Variants in BTBD1 observed in about 807,000 individuals in gnomAD.
The protein encoded by BTBD1 is BTB/POZ domain-containing protein 1.
In BTBD1, 34 loss-of-function variants were observed where a neutral mutation model predicts 48.0. The ratio of observed to expected loss-of-function variants is 0.71; its 90% CI spans 0.54 to 0.94. The LOEUF (loss-of-function observed/expected upper bound fraction) is 0.94, where lower values mean the gene tolerates loss of function less well. BTBD1 is among the 40% of genes least tolerant of loss of function. The pLI, the probability that BTBD1 is intolerant of heterozygous loss-of-function variation, is 0.00. For synonymous variants in BTBD1, 261 were observed against 242.1 expected (o/e 1.08, Z -0.72); for missense variants, 543 against 625.6 (o/e 0.87, Z 1.41).
At chr15:83,054,935 G>A (rs180713734) in intron 2 of BTBD1, among the ~76,000 whole-genome samples, 3 of 152,174 alleles carry the variant, frequency 2.0e-5, no homozygotes, top group East Asian at 3.9e-4. Context: ...GCCCTACCTA[G>A]CCTATGAGGG....
chr15:83,042,945 G>C (rs1487871721), intron 3 of BTBD1, among the ~76,000 whole-genome samples: 1 of 152,162 alleles, frequency 6.6e-6, no homozygotes, highest in Admixed American at 6.5e-5. Flanking sequence ...TTTCAGGCCA[G>C]CCTGGGCAAT....
chr15:83,030,089 TA>T (rs1192641386), intron 5 of BTBD1, 46 bp downstream of exon 5: 2 of 1,538,104 alleles, frequency 1.3e-6, no homozygotes, highest in Admixed American at 3.6e-5. Flanking sequence ...GGCCAAATGG[TA>T]ACTGCTACCC....
At chr15:83,058,314 C>T (rs925129308) in intron 1 of BTBD1, among the ~76,000 whole-genome samples, 37 of 152,344 alleles carry the variant, frequency 2.4e-4, no homozygotes, top group African/African-American at 7.7e-4. Flanking sequence ...ACTCTGTTGG[C>T]CCTTCCAACC....
At chr15:83,045,751 A>G (rs752893307) in intron 3 of BTBD1, among the ~76,000 whole-genome samples, 6 of 152,188 alleles carry the variant, frequency 3.9e-5, no homozygotes, top group Middle Eastern at 3.2e-3. Flanking sequence ...AAGCCCTTTC[A>G]TAAGTAAATT....
At position 83,066,215 on chromosome 15, in the gene BTBD1, C is replaced by A. The variant is rs568885618; in HGVS notation, c.401+536G>T. On this transcript the variant is annotated intron_variant, in intron 1 of 7. Coordinates refer to ENST00000261721, the MANE Select transcript of BTBD1 (RefSeq NM_025238.4). Reference sequence around the variant, plus strand: ...TCGGGAGGCTGAGGTCGGAGCATCACCTGAGCCCGGAGAGGTCGAGGCTGC... The same window carrying A: ...TCGGGAGGCTGAGGTCGGAGCATCAACTGAGCCCGGAGAGGTCGAGGCTGC... 1.6e-3 allele frequency among the ~76,000 whole-genome samples: 247 copies of A among 152,204 alleles called. 1 individual carries two copies. The highest frequency in any genetic ancestry group is 5.6e-3 in the African/African-American group (231 of 41,514).
intron 4 of BTBD1, among the ~76,000 whole-genome samples, chr15:83,031,125 C>T (rs1176139523): frequency 6.6e-6 from 1 of 152,188 alleles, no homozygotes; most frequent in Non-Finnish European, 1.5e-5. Flanking sequence ...AATGGTTGAA[C>T]TAGTTTACAG....
chr15:83,056,563 T>C lies in BTBD1; in HGVS notation c.402-18A>G, dbSNP rs1438830433. ...ATAGAAATCTGGAAAACAATTGGCA[T>C]ATTTGCAGAGATGGTCAGTAATGTT... On this transcript the variant is annotated intron_variant, in intron 1 of 7. Transcript: ENST00000261721. The C allele has an allele frequency of 6.2e-7, 1 of 1,609,548 alleles. No homozygotes were observed. The highest frequency in any genetic ancestry group is 8.5e-7 in the Non-Finnish European group (1 of 1,176,284).
intron 4 of BTBD1, among the ~76,000 whole-genome samples, chr15:83,033,522 T>C (rs979018427): frequency 3.3e-5 from 5 of 152,172 alleles, no homozygotes; most frequent in African/African-American, 4.8e-5. Context: ...AGGTTAAATA[T>C]AGCAAAAGTA....
chr15:83,055,467 A>G (rs1435525539), intron 2 of BTBD1, among the ~76,000 whole-genome samples: 1 of 152,136 alleles, frequency 6.6e-6, no homozygotes, highest in African/African-American at 2.4e-5. Context: ...CTTGTTGGCC[A>G]GGCTGGTCTC....
At chr15:83,051,877 T>TATACACACACACACACAC (rs1555441191) in intron 2 of BTBD1, among the ~76,000 whole-genome samples, 7,701 of 138,714 alleles carry the variant, frequency 0.056, 274 homozygotes, top group Middle Eastern at 0.085. Flanking sequence ...TCCATATATA[T>TATACACACACACACACAC]ACACACACAC....
intron 5 of BTBD1, among the ~76,000 whole-genome samples, chr15:83,027,906 T>A (rs960900303): frequency 6.6e-6 from 1 of 152,238 alleles, no homozygotes; most frequent in Non-Finnish European, 1.5e-5. Context: ...TGCCTTCCAG[T>A]GTTGTCCTGC....
rs367774760 is a variant in BTBD1 at position 83,030,247 on chromosome 15, A to G, written c.944T>C (p.Val315Ala). The G allele has an allele frequency of 3.0e-5, 49 of 1,613,890 alleles. No individual in the cohort carries two copies. Among genetic ancestry groups the G allele is most frequent in the Non-Finnish European group, 3.8e-5 (45 of 1,180,000 alleles). Residue 315 changes from valine (V) to alanine (A), a missense_variant, in exon 5 of 8, where the codon GTT (valine) becomes GCT (alanine). By Grantham distance (64) the Val-to-Ala change is moderately conservative. Coordinates refer to ENST00000261721, the MANE Select transcript of BTBD1 (RefSeq NM_025238.4). ...GCATCTTGGTCGGTCAATGTATTCAACTCGGGGTTTAGGGTTGACAGTAAA... is the reference window on the plus strand; with the variant it reads ...GCATCTTGGTCGGTCAATGTATTCAGCTCGGGGTTTAGGGTTGACAGTAAA... ...LHFTVNPKPR[V>A]EYIDRPRCCL...
chr15:83,026,517 CTTTTTTTT>C (rs563990083), intron 5 of BTBD1, among the ~76,000 whole-genome samples: 1 of 88,288 alleles, frequency 1.1e-5, no homozygotes, highest in Admixed American at 1.4e-4. Flanking sequence ...TTTTTTAGTG[CTTTTTTTT>C]TTTTTTTTTT....
chr15:83,052,156 C>T (rs1160807778), intron 2 of BTBD1, among the ~76,000 whole-genome samples: 1 of 152,136 alleles, frequency 6.6e-6, no homozygotes, highest in African/African-American at 2.4e-5. Context: ...AGGGTTTCGC[C>T]ATGTTGGCCA....
chr15:83,067,205 A>C lies in BTBD1; in HGVS notation c.-54T>G. ...GGACAAAACTCCGCCGCCATCGCCCAGGCCGCCTCCGGAGGCCGGCGCTGC... is the reference window on the plus strand; with the variant it reads ...GGACAAAACTCCGCCGCCATCGCCCCGGCCGCCTCCGGAGGCCGGCGCTGC... On this transcript the variant is annotated 5_prime_UTR_variant, in exon 1 of 8. Coordinates refer to ENST00000261721, the MANE Select transcript of BTBD1 (RefSeq NM_025238.4). 1 of 1,342,582 alleles carries C rather than the reference A, an allele frequency of 7.4e-7. No homozygotes were observed. 83.2% of individuals were successfully genotyped at this position (1,342,582 alleles called of 1,614,324 possible).
chr15:83,041,055 G>A (rs1274800011), intron 4 of BTBD1, among the ~76,000 whole-genome samples: 1 of 151,436 alleles, frequency 6.6e-6, no homozygotes, highest in Non-Finnish European at 1.5e-5. Context: ...GGGAGGCTGA[G>A]GTGGGAGGAT....
At position 83,016,714 on chromosome 15, in the gene BTBD1, A is replaced by C. The variant is rs1307984501; in HGVS notation, c.*1353T>G. ...TCCCATAGATAATTCCATTTAACTGAGGTTTATATCCGTAAGAGCATTACC... is the reference window on the plus strand; with the variant it reads ...TCCCATAGATAATTCCATTTAACTGCGGTTTATATCCGTAAGAGCATTACC... On this transcript the variant is annotated 3_prime_UTR_variant, in exon 8 of 8. Transcript: ENST00000261721. The C allele has an allele frequency of 1.3e-5, 2 of 152,174 alleles. No individual in the cohort carries two copies. Among genetic ancestry groups the C allele is most frequent in the African/African-American group, 2.4e-5 (1 of 41,442 alleles). The allele number at this position is 152,174 out of a possible 1,614,324, so 9.4% of individuals were successfully genotyped here. A position where few individuals can be genotyped will look rare whatever the true frequency, so the allele number is the denominator to read the frequency against.
intron 1 of BTBD1, among the ~76,000 whole-genome samples, chr15:83,060,863 T>G (rs1011363482): frequency 6.6e-6 from 1 of 152,194 alleles, no homozygotes; most frequent in Non-Finnish European, 1.5e-5. Flanking sequence ...TATATAAGAA[T>G]GATCACAAGA....
At chr15:83,034,475 G>A (rs1857206827) in intron 4 of BTBD1, among the ~76,000 whole-genome samples, 1 of 152,142 alleles carries the variant, frequency 6.6e-6, no homozygotes, top group Non-Finnish European at 1.5e-5. Flanking sequence ...TTAGCAGGGT[G>A]TGGTGGTGCA....
Sources: gnomAD v4.1 joint callset for allele counts (sites outside exome capture counted in the v4.1 genomes callset) on GRCh38, gnomAD v4.1.1 for gene constraint, MANE v1.5 for transcripts, NCBI Gene and HGNC (gene_info 2026-07-23, HGNC 2026-07-21) for gene names.